DPH6: variants seen among roughly 807,000 people sequenced by gnomAD.
DPH6 encodes diphthamine biosynthesis 6.
Under a neutral mutation model 38.2 loss-of-function variants are expected in DPH6, and 33 were observed. That is an observed-to-expected ratio of 0.86 (90% CI 0.65 to 1.15). The LOEUF is 1.15. Ranked by LOEUF, DPH6 falls within the 50% of genes most tolerant of loss-of-function variation. The pLI is 0.00. For missense variants in DPH6, 325 were observed against 320.0 expected (o/e 1.02, Z -0.12); for synonymous variants, 108 against 103.0 (o/e 1.05, Z -0.30).
chr15:35,491,865 T>C (rs994030072), intron 3 of DPH6, among the ~76,000 whole-genome samples: 16 of 151,220 alleles, frequency 1.1e-4, no homozygotes, highest in African/African-American at 3.9e-4. Flanking sequence ...TATGTATATG[T>C]GTGTGTATAT....
chr15:35,545,035 C>A (rs1436369127), intron 1 of DPH6, among the ~76,000 whole-genome samples: 2 of 152,172 alleles, frequency 1.3e-5, no homozygotes, highest in East Asian at 3.9e-4. Flanking sequence ...GGAAAGGGAA[C>A]CGGAATATTC....
At chr15:35,198,008 C>T in the DPH6 span, among the ~76,000 whole-genome samples, 3 of 152,092 alleles carry the variant, frequency 2.0e-5, no homozygotes, top group Non-Finnish European at 4.4e-5. Flanking sequence ...CATAAGACCT[C>T]ATGGCACATA....
chr15:35,150,832 A>G, the DPH6 span, among the ~76,000 whole-genome samples: 1 of 152,244 alleles, frequency 6.6e-6, no homozygotes, highest in East Asian at 1.9e-4. Context: ...TTAAAAGATG[A>G]TGATGCCAAA....
intron 3 of DPH6, among the ~76,000 whole-genome samples, chr15:35,332,985 A>T (rs909148666): frequency 1.4e-4 from 22 of 152,094 alleles, no homozygotes; most frequent in African/African-American, 4.8e-4. Flanking sequence ...TGTTATCCTC[A>T]TACAGTTCAC....
chr15:35,220,046 T>A (rs1017197527), exon 4 of DPH6: 3 of 152,216 alleles, frequency 2.0e-5, no homozygotes, highest in African/African-American at 7.2e-5. Context: ...AATGACTTTG[T>A]TACACATTTA....
At chr15:35,305,753 T>C (rs1374088507) in intron 3 of DPH6, among the ~76,000 whole-genome samples, 5 of 152,148 alleles carry the variant, frequency 3.3e-5, no homozygotes, top group Admixed American at 3.3e-4. Flanking sequence ...TGTTTTTTTA[T>C]AGCCATCAAC....
chr15:35,196,429 C>T, the DPH6 span, among the ~76,000 whole-genome samples: 64 of 152,180 alleles, frequency 4.2e-4, 1 homozygote, highest in Middle Eastern at 6.8e-3. Context: ...TTCGGACTAC[C>T]CACTAGCTGG....
chr15:35,322,316 T>G, intron 3 of DPH6, among the ~76,000 whole-genome samples: 1 of 152,152 alleles, frequency 6.6e-6, no homozygotes, highest in Admixed American at 6.5e-5. Flanking sequence ...TTTTGGACTC[T>G]AAGCAAGGGG....
chr15:35,510,274 A>C (rs2054751004), intron 3 of DPH6, among the ~76,000 whole-genome samples: 1 of 152,166 alleles, frequency 6.6e-6, no homozygotes, highest in Admixed American at 6.6e-5. Context: ...TGTATTACAA[A>C]TAATGGGCCA....
At chr15:35,276,205 G>A (rs1026510285) in intron 3 of DPH6, among the ~76,000 whole-genome samples, 3 of 151,992 alleles carry the variant, frequency 2.0e-5, no homozygotes, top group African/African-American at 4.8e-5. Flanking sequence ...GCATTTTTTC[G>A]TATGTTTGTT....
At chr15:35,244,630 T>C (rs943732829) in intron 3 of DPH6, among the ~76,000 whole-genome samples, 6 of 152,370 alleles carry the variant, frequency 3.9e-5, no homozygotes, top group Middle Eastern at 3.4e-3. Flanking sequence ...GTAAAAGCAG[T>C]GATTATCCCA....
intron 3 of DPH6, among the ~76,000 whole-genome samples, chr15:35,482,460 A>G (rs1470264647): frequency 6.6e-6 from 1 of 152,214 alleles, no homozygotes; most frequent in Admixed American, 6.5e-5. Flanking sequence ...TAAATTTACT[A>G]TAAAACCACA....
chr15:35,194,286 C>T, the DPH6 span, among the ~76,000 whole-genome samples: 1 of 151,822 alleles, frequency 6.6e-6, no homozygotes, highest in Admixed American at 6.6e-5. Context: ...TGCTCTATTC[C>T]ACAGTTTTGA....
the DPH6 span, among the ~76,000 whole-genome samples, chr15:35,150,017 C>T: frequency 2.0e-5 from 3 of 152,334 alleles, no homozygotes; most frequent in Non-Finnish European, 2.9e-5. Context: ...ATGGCCCACA[C>T]ATCTCTTGAA....
At chr15:35,507,555 C>T (rs898294342) in intron 3 of DPH6, among the ~76,000 whole-genome samples, 1 of 151,564 alleles carries the variant, frequency 6.6e-6, no homozygotes, top group Admixed American at 6.6e-5. Context: ...AAAATTTTAC[C>T]CCATAAGCAA....
At chr15:35,383,531 T>C (rs967889289) in intron 6 of DPH6, among the ~76,000 whole-genome samples, 7 of 152,238 alleles carry the variant, frequency 4.6e-5, no homozygotes, top group African/African-American at 1.7e-4. Flanking sequence ...CTGTACTCTG[T>C]ATTTTAACAT....
chr15:35,322,993 C>T (rs542513737), intron 3 of DPH6, among the ~76,000 whole-genome samples: 39 of 152,136 alleles, frequency 2.6e-4, no homozygotes, highest in African/African-American at 9.4e-4. Flanking sequence ...AGGAATTTAA[C>T]AACGCCTTTG....
intron 3 of DPH6, among the ~76,000 whole-genome samples, chr15:35,273,749 AAG>A (rs1319712589): frequency 6.6e-6 from 1 of 152,204 alleles, no homozygotes; most frequent in African/African-American, 2.4e-5. Flanking sequence ...TCAAGGAAAT[AAG>A]AGAGGACACA....
chr15:35,497,587 A>G (rs932121880), intron 3 of DPH6, among the ~76,000 whole-genome samples: 1 of 152,200 alleles, frequency 6.6e-6, no homozygotes, highest in African/African-American at 2.4e-5. Context: ...ACAAGTAAAA[A>G]TATACCCTCT....
Sources: allele counts gnomAD v4.1 joint callset (sites outside exome capture counted in the v4.1 genomes callset), GRCh38; gene constraint gnomAD v4.1.1; transcripts MANE v1.5; gene names NCBI Gene and HGNC (gene_info 2026-07-23, HGNC 2026-07-21).